Variants in ARHGAP6 observed in about 807,000 individuals in gnomAD.
ARHGAP6 encodes Rho GTPase activating protein 6.
A neutral mutation model predicts 55.7 loss-of-function variants in ARHGAP6; 16 were observed. That is an observed-to-expected ratio of 0.29 (90% CI 0.19 to 0.44). The LOEUF (loss-of-function observed/expected upper bound fraction) is 0.44, where lower values mean the gene tolerates loss of function less well. Ranked by LOEUF, ARHGAP6 falls within the 20% of genes least tolerant of loss-of-function variation. ARHGAP6 has a pLI of 1.00. For synonymous variants in ARHGAP6, 382 were observed against 360.9 expected (o/e 1.06, Z -0.66); for missense variants, 698 against 808.9 (o/e 0.86, Z 1.66).
At chrX:11,427,058 G>A (rs764280762) in intron 1 of ARHGAP6, among the ~76,000 whole-genome samples, 1 of 111,056 alleles carries the variant, frequency 9.0e-6, no homozygotes, top group African/African-American at 3.3e-5. Flanking sequence ...GGAGGGAAAT[G>A]CACTCCCTTT....
At position 11,665,654 on chromosome X, in the gene ARHGAP6, G is replaced by C. The variant is rs918234282; in HGVS notation, c.-826C>G. 1.8e-5 allele frequency: 2 copies of C among 113,104 alleles called. No homozygotes were observed. The highest frequency in any genetic ancestry group is 3.7e-5 in the Non-Finnish European group (2 of 53,341). The allele number at this position is 113,104 out of a possible 1,213,427, so 9.3% of individuals were successfully genotyped here. ...GAGCTCAGGAGACAGCCCCAAGGCC[G>C]GGTGTGTGTGTTCCGCCGGAGAGGA... On this transcript the variant is annotated 5_prime_UTR_variant, in exon 1 of 13. Transcript: ENST00000337414.
At chrX:11,227,078 C>T (rs1259428680) in intron 2 of ARHGAP6, among the ~76,000 whole-genome samples, 3 of 111,898 alleles carry the variant, frequency 2.7e-5, no homozygotes, top group Non-Finnish European at 5.6e-5. Flanking sequence ...AAAAGACATG[C>T]TCATATGTCA....
intron 2 of ARHGAP6, among the ~76,000 whole-genome samples, chrX:11,228,097 G>A (rs1314518429): frequency 4.5e-5 from 5 of 111,248 alleles, no homozygotes; most frequent in Non-Finnish European, 9.4e-5. Flanking sequence ...AACTTGATTA[G>A]GTCATATCAC....
intron 1 of ARHGAP6, among the ~76,000 whole-genome samples, chrX:11,492,276 G>A (rs1569365158): frequency 9.0e-6 from 1 of 111,037 alleles, no homozygotes; most frequent in Admixed American, 9.7e-5. Context: ...TAGACATGAA[G>A]TCCTTGCCCA....
In ARHGAP6 at chrX:11,665,752, A is replaced by T. The variant is rs1404766858; in HGVS notation, c.-924T>A. ...GACCCCGTACGCTCGCTCTAGAGGC[A>T]GCGGGAAGGGGGCGGCCAGGACGTG... On this transcript the variant is annotated 5_prime_UTR_variant, in exon 1 of 13. Coordinates refer to ENST00000337414, the MANE Select transcript of ARHGAP6 (RefSeq NM_013427.3). 1 of 113,404 alleles carries T rather than the reference A, an allele frequency of 8.8e-6. No homozygotes were observed. Among genetic ancestry groups the T allele is most frequent in the Non-Finnish European group, 1.9e-5 (1 of 53,554 alleles). 9.3% of individuals were successfully genotyped at this position (113,404 alleles called of 1,213,427 possible).
At chrX:11,537,521 C>T (rs761559246) in intron 1 of ARHGAP6, among the ~76,000 whole-genome samples, 2 of 112,264 alleles carry the variant, frequency 1.8e-5, no homozygotes, top group African/African-American at 3.2e-5. Flanking sequence ...AAGGGTTTTT[C>T]GTGTCTCTAA....
chrX:11,195,959 C>CAAA (rs1024986729), intron 3 of ARHGAP6, among the ~76,000 whole-genome samples: 114 of 8,413 alleles, frequency 0.014, 17 homozygotes, highest in African/African-American at 0.017. Flanking sequence ...ACTAAAAATA[C>CAAA]AAAAAAAAAA....
Position 11,516,700 on chromosome X carries a change from T to C in ARHGAP6, c.588+147541A>G, listed in dbSNP as rs756787866. ...TTGGGAGTTTAATGTTTCAGTTTTA[T>C]TGATATTTCTTTTGAAACATATTTT... On this transcript the variant is annotated intron_variant, in intron 1 of 12. Transcript: ENST00000337414. 1.5e-4 allele frequency among the ~76,000 whole-genome samples: 17 copies of C among 112,454 alleles called. No individual in the cohort carries two copies. In the East Asian group the frequency reaches 3.3e-3, roughly 22 times the overall value.
At chrX:11,646,108 A>G (rs999048531) in intron 1 of ARHGAP6, among the ~76,000 whole-genome samples, 1 of 111,491 alleles carries the variant, frequency 9.0e-6, no homozygotes, top group Non-Finnish European at 1.9e-5. Flanking sequence ...GCATGGTGGC[A>G]GGAAAGAGAA....
chrX:11,664,350 C>A lies in ARHGAP6; in HGVS notation c.479G>T (p.Gly160Val), dbSNP rs144462941. 2.2e-4 allele frequency: 264 copies of A among 1,211,137 alleles called. No individual in the cohort carries two copies. The highest frequency in any genetic ancestry group is 1.8e-3 in the Middle Eastern group (8 of 4,351). ...RSASSILCSS[G>V]GGPNGIFASP... ...AGCGAAGATGCCATTGGGGCCTCCCCCGGATGAACAGAGGATGCTGGAAGC... is the reference window on the plus strand; with the variant it reads ...AGCGAAGATGCCATTGGGGCCTCCCACGGATGAACAGAGGATGCTGGAAGC... Residue 160 changes from glycine to valine, a missense_variant, in exon 1 of 13, where the codon GGG becomes GTG. Gly to Val is a moderately radical substitution (Grantham distance 109). Transcript: ENST00000337414.
At chrX:11,357,942 G>C (rs2048952793) in intron 1 of ARHGAP6, among the ~76,000 whole-genome samples, 1 of 111,780 alleles carries the variant, frequency 8.9e-6, no homozygotes. Context: ...AATCCAGTAA[G>C]TTTTAGTATA....
intron 1 of ARHGAP6, chrX:11,266,089 G>T (rs891503860): frequency 5.9e-5 from 18 of 306,568 alleles, no homozygotes; most frequent in Non-Finnish European, 5.2e-5. Context: ...GAGAGAGAGA[G>T]AGAGAGGGTG....
chrX:11,420,382 A>G (rs1398978988), intron 1 of ARHGAP6, among the ~76,000 whole-genome samples: 1 of 112,021 alleles, frequency 8.9e-6, no homozygotes, highest in Non-Finnish European at 1.9e-5. Context: ...AAATTAATTA[A>G]TTGTGTTTGT....
intron 1 of ARHGAP6, among the ~76,000 whole-genome samples, chrX:11,383,489 A>G (rs955782601): frequency 9.0e-6 from 1 of 111,338 alleles, no homozygotes; most frequent in Non-Finnish European, 1.9e-5. Context: ...ACCCAGGATG[A>G]GGGCAAAACT....
At chrX:11,172,503 AT>A (rs1429379809) in intron 8 of ARHGAP6, among the ~76,000 whole-genome samples, 2 of 103,910 alleles carry the variant, frequency 1.9e-5, no homozygotes, top group Non-Finnish European at 4.1e-5. Context: ...GGGTTTTCTC[AT>A]TTTTTAAAAA....
chrX:11,427,796 G>T, intron 1 of ARHGAP6: 1 of 756,090 alleles, frequency 1.3e-6, no homozygotes, highest in Non-Finnish European at 1.6e-6. Context: ...GAAGGCAGCG[G>T]CGCGAAGGGG....
chrX:11,551,392 TAA>T (rs1198517775), intron 1 of ARHGAP6, among the ~76,000 whole-genome samples: 1 of 111,934 alleles, frequency 8.9e-6, no homozygotes, highest in African/African-American at 3.2e-5. Context: ...CCTACTCAGT[TAA>T]AGTTTTACTA....
chrX:11,176,724 C>A (rs1357544678), intron 8 of ARHGAP6, among the ~76,000 whole-genome samples: 1 of 111,003 alleles, frequency 9.0e-6, no homozygotes, highest in Admixed American at 9.6e-5. Flanking sequence ...TAGAGGTTGG[C>A]ATCCAAATGA....
intron 2 of ARHGAP6, among the ~76,000 whole-genome samples, chrX:11,206,407 A>T (rs2046705285): frequency 9.0e-6 from 1 of 111,578 alleles, no homozygotes; most frequent in Admixed American, 9.6e-5. Flanking sequence ...ACCTCCCAAG[A>T]TTTAGATGAT....
Sources: gnomAD v4.1 joint callset for allele counts (sites outside exome capture counted in the v4.1 genomes callset) on GRCh38, gnomAD v4.1.1 for gene constraint, MANE v1.5 for transcripts, NCBI Gene and HGNC (gene_info 2026-07-23, HGNC 2026-07-21) for gene names.